Variants in SLC36A1 observed in about 807,000 individuals in gnomAD.
SLC36A1 encodes the protein solute carrier family 36 member 1, also known as proton-coupled amino acid transporter 1.
In SLC36A1, 30 loss-of-function variants were observed where a neutral mutation model predicts 47.5. That is an observed-to-expected ratio of 0.63 (90% CI 0.47 to 0.86). The LOEUF is 0.86. SLC36A1 is among the 40% of genes least tolerant of loss of function. The pLI is 0.00. For missense variants in SLC36A1, 517 were observed against 606.0 expected, an observed-to-expected ratio of 0.85 and a Z score of 1.54; for synonymous variants, 255 against 249.7, an observed-to-expected ratio of 1.02 and a Z score of -0.20.
chr5:151,553,478 T>A, the SLC36A1 span: 1 of 1,137,834 alleles, frequency 8.8e-7, no homozygotes, highest in Non-Finnish European at 1.3e-6. Context: ...GTCCTGTGAT[T>A]CTGACCAAGC....
chr5:151,379,853 C>T, the SLC36A1 span, among the ~76,000 whole-genome samples: 10 of 152,124 alleles, frequency 6.6e-5, no homozygotes, highest in African/African-American at 1.7e-4. Flanking sequence ...ACATTTCAAG[C>T]GCTCAATGTG....
At chr5:151,458,256 A>ATG in intron 1 of SLC36A1, among the ~76,000 whole-genome samples, 1 of 150,710 alleles carries the variant, frequency 6.6e-6, no homozygotes, top group Non-Finnish European at 1.5e-5. Context: ...GTACATATAT[A>ATG]TATATACGTG....
upstream of SLC36A1, among the ~76,000 whole-genome samples, chr5:151,433,247 T>TATATA (rs1554105170): frequency 6.9e-5 from 1 of 14,438 alleles, no homozygotes; most frequent in East Asian, 2.3e-3. Context: ...TATATATATA[T>TATATA]ATATATATAT....
At chr5:151,455,489 A>G (rs1344092365) in intron 1 of SLC36A1, among the ~76,000 whole-genome samples, 1 of 152,092 alleles carries the variant, frequency 6.6e-6, no homozygotes, top group Non-Finnish European at 1.5e-5. Context: ...TTCAGTTTTT[A>G]TACACAACAT....
chr5:151,347,570 C>A, the SLC36A1 span: 291 of 1,415,072 alleles, frequency 2.1e-4, 3 homozygotes, highest in South Asian at 2.0e-3. Context: ...GGTGTGTGCC[C>A]GGGCTGGCTC....
At chr5:151,507,294 T>A in the SLC36A1 span, 1 of 1,614,036 alleles carries the variant, frequency 6.2e-7, no homozygotes, top group Non-Finnish European at 8.5e-7. Flanking sequence ...GACGAGTTCA[T>A]TTGGAACAGA....
At chr5:151,454,420 G>T (rs1754163478) in intron 1 of SLC36A1, among the ~76,000 whole-genome samples, 1 of 152,024 alleles carries the variant, frequency 6.6e-6, no homozygotes, top group Non-Finnish European at 1.5e-5. Context: ...AGGAGGCCTT[G>T]GTTTCCAAAA....
At chr5:151,413,336 G>GTT in the SLC36A1 span, among the ~76,000 whole-genome samples, 2 of 151,122 alleles carry the variant, frequency 1.3e-5, no homozygotes, top group African/African-American at 4.9e-5. Flanking sequence ...TCTTTACAGA[G>GTT]TTTTTTTGTA....
At chr5:151,512,989 C>T in the SLC36A1 span, among the ~76,000 whole-genome samples, 517 of 152,342 alleles carry the variant, frequency 3.4e-3, 5 homozygotes, top group African/African-American at 0.012. The surrounding 1 kb of genome is among the most constrained non-coding windows in gnomAD (Gnocchi z 4.1). Context: ...CTCCCACTTC[C>T]TTATTCAACA....
chr5:151,380,807 G>T, the SLC36A1 span: 1 of 507,420 alleles, frequency 2.0e-6, no homozygotes, highest in Non-Finnish European at 4.0e-6. Flanking sequence ...ACAGGAAATG[G>T]TTCCACCAGA....
intron 10 of SLC36A1, 81 bp downstream of exon 10, chr5:151,479,570 G>C: frequency 6.7e-7 from 1 of 1,496,820 alleles, no homozygotes; most frequent in Non-Finnish European, 9.1e-7. Context: ...AAAAGACAAT[G>C]TGTGTTGTAG....
At chr5:151,543,232 T>C in the SLC36A1 span, 1 of 1,614,170 alleles carries the variant, frequency 6.2e-7, no homozygotes, top group Non-Finnish European at 8.5e-7. Flanking sequence ...TTCAATGACA[T>C]CTTTAACTAG....
At chr5:151,414,127 T>G in the SLC36A1 span, among the ~76,000 whole-genome samples, 1 of 152,146 alleles carries the variant, frequency 6.6e-6, no homozygotes, top group Non-Finnish European at 1.5e-5. Context: ...ATAACTGTAT[T>G]CAAGGAAAAC....
the SLC36A1 span, among the ~76,000 whole-genome samples, chr5:151,427,934 A>G: frequency 6.6e-6 from 1 of 152,172 alleles, no homozygotes; most frequent in African/African-American, 2.4e-5. Flanking sequence ...ACAGTTCTAG[A>G]TAGAAAATAG....
the SLC36A1 span, chr5:151,382,185 G>T: frequency 9.1e-7 from 1 of 1,095,330 alleles, no homozygotes; most frequent in South Asian, 1.3e-5. Flanking sequence ...GGCACTGAAT[G>T]AGCAGCGTCT....
At chr5:151,443,183 T>C (rs2127442172), upstream of SLC36A1, among the ~76,000 whole-genome samples, 1 of 152,270 alleles carries the variant, frequency 6.6e-6, no homozygotes, top group East Asian at 1.9e-4. Flanking sequence ...CATATGGTAG[T>C]TCTATTTTTA....
intron 1 of SLC36A1, among the ~76,000 whole-genome samples, chr5:151,454,126 CT>C (rs925968565): frequency 4.5e-4 from 43 of 96,030 alleles, no homozygotes; most frequent in Non-Finnish European, 7.5e-4. Flanking sequence ...AACTTGCAGA[CT>C]TTTTTTACTC....
chr5:151,518,029 C>T, the SLC36A1 span, among the ~76,000 whole-genome samples: 5 of 152,074 alleles, frequency 3.3e-5, no homozygotes, highest in Non-Finnish European at 7.3e-5. Flanking sequence ...TGAATTTAAA[C>T]CATTAAGAAA....
chr5:151,481,869 T>C (rs1758846419), intron 10 of SLC36A1, among the ~76,000 whole-genome samples: 3 of 152,232 alleles, frequency 2.0e-5, no homozygotes, highest in Non-Finnish European at 1.5e-5. Flanking sequence ...GGTCACCTTA[T>C]GTCCAGACCT....
Sources: gnomAD v4.1 joint callset for allele counts (sites outside exome capture counted in the v4.1 genomes callset) on GRCh38, gnomAD v4.1.1 for gene constraint, Gnocchi (gnomAD v3.1) non-coding constraint, MANE v1.5 for transcripts, NCBI Gene and HGNC (gene_info 2026-07-23, HGNC 2026-07-21) for gene names.